The following GPR132 variants were observed in gnomAD, a reference collection of about 807,000 sequenced individuals.
The protein encoded by GPR132 is probable G protein-coupled receptor 132.
Under a neutral mutation model 1.9 loss-of-function variants are expected in GPR132, and 4 were observed. The observed-to-expected ratio is 2.13, with a 90% CI of 1.05 to 4.87. GPR132 has a LOEUF of 4.87. GPR132 is among the 30% of genes most tolerant of loss of function. GPR132 has a pLI of 0.01. For missense variants in GPR132, 404 were observed against 512.5 expected, an observed-to-expected ratio of 0.79 and a Z score of 2.04; for synonymous variants, 233 against 234.2, an observed-to-expected ratio of 0.99 and a Z score of 0.05.
At chr14:105,064,803 C>T (rs746356940) in intron 1 of GPR132, among the ~76,000 whole-genome samples, 3 of 152,188 alleles carry the variant, frequency 2.0e-5, no homozygotes, top group African/African-American at 4.8e-5. Flanking sequence ...TTGGGCCCCC[C>T]GCCCCGCTGT....
At chr14:105,062,062 C>G (rs138907994) in intron 1 of GPR132, among the ~76,000 whole-genome samples, 29 of 152,344 alleles carry the variant, frequency 1.9e-4, no homozygotes, top group African/African-American at 6.7e-4. Flanking sequence ...CTATCACCAT[C>G]CAACTCCAAC....
In GPR132 at chr14:105,050,500, GC is replaced by G. The variant is rs1284543367; in HGVS notation, c.*493del. On this transcript the variant is annotated 3_prime_UTR_variant, in exon 4 of 4. Transcript: ENST00000329797. The surrounding 1 kb of genome is among the most constrained non-coding windows in gnomAD (Gnocchi z 4.0). ...CCTTGGAGGTGGTAGGCTGCCCTAT[GC>G]CCTCCTGGGCGCTGCCACAGTGCTG... 1.8e-5 allele frequency: 3 copies of G among 165,308 alleles called. No individual in the cohort carries two copies. The highest frequency in any genetic ancestry group is 4.0e-5 in the Non-Finnish European group (3 of 75,246). 10.2% of individuals were successfully genotyped at this position (165,308 alleles called of 1,614,324 possible).
chr14:105,054,345 G>A (rs780054866), intron 3 of GPR132: 205 of 985,094 alleles, frequency 2.1e-4, no homozygotes, highest in Non-Finnish European at 2.4e-4. Context: ...GTACTTGAGG[G>A]CCTGTTGACC....
chr14:105,052,560 C>G (rs531104876), intron 3 of GPR132, among the ~76,000 whole-genome samples: 21 of 151,826 alleles, frequency 1.4e-4, no homozygotes, highest in Admixed American at 4.6e-4. Context: ...TTCCTGATCT[C>G]AGGTGATCCG....
In GPR132 at chr14:105,060,800, C is replaced by T. The variant is rs929496688; in HGVS notation, c.-860-3520G>A. On this transcript the variant is annotated intron_variant, in intron 1 of 3. Transcript: ENST00000329797. The surrounding 1 kb of genome is among the most constrained non-coding windows in gnomAD (Gnocchi z 6.3). ...GCCGCCCAGTCACGCCAATGCCAGCCGGCAACCCTGGGTCAGAGGGCTGCA... is the reference window on the plus strand; with the variant it reads ...GCCGCCCAGTCACGCCAATGCCAGCTGGCAACCCTGGGTCAGAGGGCTGCA... Among the ~76,000 whole-genome samples the T allele has an allele frequency of 5.3e-5, 8 of 152,222 alleles. No individual in the cohort carries two copies. Among genetic ancestry groups the T allele is most frequent in the African/African-American group, 1.2e-4 (5 of 41,452 alleles).
rs1321336094 is a variant in GPR132, at chr14:105,056,382, C to T, written c.-746-216G>A. Among the ~76,000 whole-genome samples, 16 of 152,182 alleles carry T rather than the reference C, an allele frequency of 1.1e-4. No individual in the cohort carries two copies. The highest frequency in any genetic ancestry group is 4.4e-5 in the Non-Finnish European group (3 of 68,026). ...AGCCCCGCTGTGCGAGTCCTGAGCT[C>T]AGAGGAAGTTTCGGGCCCCCTACAC... On this transcript the variant is annotated intron_variant, in intron 2 of 3. Coordinates refer to ENST00000329797, the MANE Select transcript of GPR132 (RefSeq NM_013345.4). This position sits in a 1 kb window ranked among gnomAD's most constrained non-coding sequence, Gnocchi z 6.0.
At chr14:105,053,887 G>GGA in intron 3 of GPR132, 1 of 1,105,108 alleles carries the variant, frequency 9.0e-7, no homozygotes, top group South Asian at 1.8e-5. Context: ...CTTAAATGTG[G>GGA]GAGAGGGCAA....
At chr14:105,052,842 C>T (rs1181498582) in intron 3 of GPR132, among the ~76,000 whole-genome samples, 3 of 151,428 alleles carry the variant, frequency 2.0e-5, no homozygotes, top group Non-Finnish European at 2.9e-5. Flanking sequence ...ACCTGTAATC[C>T]CAGCTACTCT....
In GPR132 at chr14:105,050,871, G is replaced by T. The variant is rs980063633; in HGVS notation, c.*123C>A. On this transcript the variant is annotated 3_prime_UTR_variant, in exon 4 of 4. Transcript: ENST00000329797. The surrounding 1 kb of genome is among the most constrained non-coding windows in gnomAD (Gnocchi z 4.0). ...TCACGGAGGGAGTGGCTTCAGGAAC[G>T]AGAAATTGGTAGTTTGTCTTCCAGA... 2 of 901,910 alleles carry T rather than the reference G, an allele frequency of 2.2e-6. No homozygotes were observed. The highest frequency in any genetic ancestry group is 3.3e-6 in the Non-Finnish European group (2 of 600,158). The allele number at this position is 901,910 out of a possible 1,614,324, so 55.9% of individuals were successfully genotyped here. A position where few individuals can be genotyped will look rare whatever the true frequency, so the allele number is the denominator to read the frequency against.
At chr14:105,061,158 T>C (rs368341553) in intron 1 of GPR132, among the ~76,000 whole-genome samples, 4 of 152,304 alleles carry the variant, frequency 2.6e-5, no homozygotes, top group South Asian at 2.1e-4. Flanking sequence ...GAGAGCCGGG[T>C]CCACTGGGAC....
At position 105,051,933 on chromosome 14, in the gene GPR132, C is replaced by T; in HGVS notation, c.204G>A (p.Leu68=). ...GCACGTTGCCCTGCAGTACCTGCAG[C>T]AGCGCCAGCCACGCAGTCAGGCAGT... ...PANCLTAWLA[L]LQVLQGNVLA... The change falls in exon 4 of 4, where the codon CTG becomes CTA. Residue 68 remains leucine (L), a synonymous_variant. Transcript: ENST00000329797. This position sits in a 1 kb window ranked among gnomAD's most constrained non-coding sequence, Gnocchi z 8.0. 6.2e-7 allele frequency: 1 copy of T among 1,613,290 alleles called. No homozygotes were observed. The highest frequency in any genetic ancestry group is 1.1e-5 in the South Asian group (1 of 91,060).
At position 105,057,261 on chromosome 14, in the gene GPR132, C is replaced by G. The variant is rs1054951441; in HGVS notation, c.-841G>C. On this transcript the variant is annotated 5_prime_UTR_variant, in exon 2 of 4. Coordinates refer to ENST00000329797, the MANE Select transcript of GPR132 (RefSeq NM_013345.4). ...CTTGTCGGTCCTATCAAGACGTTCA[C>G]TCTGAGAGTTTAAAATGACCTGGAA... 4.9e-5 allele frequency: 44 copies of G among 895,004 alleles called. 1 individual carries two copies. In the African/African-American group the frequency reaches 7.3e-4, roughly 15 times the overall value. 55.4% of individuals were successfully genotyped at this position (895,004 alleles called of 1,614,324 possible).
At chr14:105,058,369 G>C (rs1192915271) in intron 1 of GPR132, among the ~76,000 whole-genome samples, 1 of 152,132 alleles carries the variant, frequency 6.6e-6, no homozygotes, top group Non-Finnish European at 1.5e-5. Flanking sequence ...CAAGAAAAAA[G>C]AAAAGCTCCT....
rs1595136976 is a variant in GPR132 at position 105,055,305 on chromosome 14, C to G, written c.34+82G>C. Reference sequence around the variant, plus strand: ...TTGTGCCACTGCACTCCAGCCTGGGCGATAGAGTGAGACTCAATCGCAAGA... The same window carrying G: ...TTGTGCCACTGCACTCCAGCCTGGGGGATAGAGTGAGACTCAATCGCAAGA... On this transcript the variant is annotated intron_variant, in intron 3 of 3. Transcript: ENST00000329797. The surrounding 1 kb of genome is among the most constrained non-coding windows in gnomAD (Gnocchi z 4.7). 4 of 776,944 alleles carry G rather than the reference C, an allele frequency of 5.1e-6. No individual in the cohort carries two copies. Among genetic ancestry groups the G allele is most frequent in the Non-Finnish European group, 9.6e-6 (4 of 415,470 alleles). 48.1% of individuals were successfully genotyped at this position (776,944 alleles called of 1,614,324 possible). A position where few individuals can be genotyped will look rare whatever the true frequency, so the allele number is the denominator to read the frequency against.
At position 105,060,423 on chromosome 14, in the gene GPR132, T is replaced by TG. The variant is rs35630552; in HGVS notation, c.-860-3144dup. Among the ~76,000 whole-genome samples, 1 of 152,010 alleles carries TG rather than the reference T, an allele frequency of 6.6e-6. No homozygotes were observed. Among genetic ancestry groups the TG allele is most frequent in the African/African-American group, 2.4e-5 (1 of 41,374 alleles). ...CTGTTCCTTCTGAGCCCCGGGGGTG[T>TG]GGGGGGCCCGACCAGCCTCACACTG... On this transcript the variant is annotated intron_variant, in intron 1 of 3. Coordinates refer to ENST00000329797, the MANE Select transcript of GPR132 (RefSeq NM_013345.4). This position sits in a 1 kb window ranked among gnomAD's most constrained non-coding sequence, Gnocchi z 6.3.
At chr14:105,064,897 C>T (rs1887044557) in intron 1 of GPR132, among the ~76,000 whole-genome samples, 1 of 152,096 alleles carries the variant, frequency 6.6e-6, no homozygotes, top group African/African-American at 2.4e-5. Context: ...AACTGCCACT[C>T]ACCGCAGCAC....
chr14:105,052,074 G>A lies in GPR132; in HGVS notation c.63C>T (p.Ala21=). ...NGNATPVTTT[A]PWASLGLSAK... ...CGGAGAGGCCCAGGGAGGCCCACGG[G>A]GCAGTGGTGGTCACTGGGGTGGCGT... Residue 21 remains alanine (A), a synonymous_variant, in exon 4 of 4, where the codon GCC becomes GCT. Transcript: ENST00000329797. The A allele has an allele frequency of 3.1e-6, 5 of 1,587,820 alleles. No homozygotes were observed. The South Asian group carries it at 4.5e-5, about 14-fold the overall frequency.
chr14:105,051,417 C>T lies in GPR132; in HGVS notation c.720G>A (p.Val240=). Residue 240 remains valine (V), a synonymous_variant, in exon 4 of 4, where the codon GTG becomes GTA. Transcript: ENST00000329797. This position sits in a 1 kb window ranked among gnomAD's most constrained non-coding sequence, Gnocchi z 8.0. The part of the protein sequence containing the change: ...MGLSAAQKAK[V]KHSAIAVVVI... ...CAACCACCGCGATGGCCGAGTGCTT[C>T]ACCTTGGCCTTCTGGGCAGCGCTTA... 2 of 1,614,170 alleles carry T rather than the reference C, an allele frequency of 1.2e-6. No homozygotes were observed. Among genetic ancestry groups the T allele is most frequent in the Non-Finnish European group, 1.7e-6 (2 of 1,180,020 alleles).
intron 3 of GPR132, among the ~76,000 whole-genome samples, chr14:105,053,456 G>T (rs1270896426): frequency 6.6e-6 from 1 of 152,102 alleles, no homozygotes; most frequent in East Asian, 1.9e-4. Flanking sequence ...CACTGCGCCC[G>T]GCTAATCTGT....
Sources: gnomAD v4.1 joint callset for allele counts (sites outside exome capture counted in the v4.1 genomes callset) on GRCh38, gnomAD v4.1.1 for gene constraint, Gnocchi (gnomAD v3.1) non-coding constraint, MANE v1.5 for transcripts, NCBI Gene and HGNC (gene_info 2026-07-23, HGNC 2026-07-21) for gene names.